DCAF1: variants seen among roughly 807,000 people sequenced by gnomAD.
DCAF1 encodes DDB1- and CUL4-associated factor 1.
In DCAF1, 15 loss-of-function variants were observed where a neutral mutation model predicts 128.0. The ratio of observed to expected loss-of-function variants is 0.12; its 90% confidence interval spans 0.08 to 0.18. DCAF1 has a LOEUF of 0.18. Among genes scored for constraint, DCAF1 ranks in the 10% least tolerant of loss-of-function variants. The pLI is 1.00. For missense variants in DCAF1, 988 were observed against 1,649.5 expected (o/e 0.60, Z 6.95); for synonymous variants, 610 against 603.0 (o/e 1.01, Z -0.17).
intron 6 of DCAF1, among the ~76,000 whole-genome samples, chr3:51,453,733 A>G (rs1219974323): frequency 6.6e-6 from 1 of 152,198 alleles, no homozygotes; most frequent in African/African-American, 2.4e-5. Flanking sequence ...CGGGCAGATC[A>G]GCTGAGGTCG....
chr3:51,476,725 A>T (rs1705502602), intron 3 of DCAF1, among the ~76,000 whole-genome samples: 1 of 151,888 alleles, frequency 6.6e-6, no homozygotes, highest in Non-Finnish European at 1.5e-5. Flanking sequence ...AAAATACAAA[A>T]AAATTAGCCA....
chr3:51,435,448 A>G (rs1700722090), intron 9 of DCAF1, among the ~76,000 whole-genome samples: 1 of 152,206 alleles, frequency 6.6e-6, no homozygotes, highest in African/African-American at 2.4e-5. Context: ...CAAACTTGAA[A>G]TTTCTGAAAG....
chr3:51,442,858 C>G (rs748342426), intron 7 of DCAF1, among the ~76,000 whole-genome samples: 7 of 152,116 alleles, frequency 4.6e-5, no homozygotes, highest in Non-Finnish European at 1.0e-4. Flanking sequence ...CATGCTCTCA[C>G]TTATAAGTGG....
chr3:51,418,637 T>C (rs1699114242), intron 16 of DCAF1, 41 bp downstream of exon 16: 1 of 1,571,610 alleles, frequency 6.4e-7, no homozygotes, highest in Non-Finnish European at 8.6e-7. Flanking sequence ...CCAATTCATC[T>C]TGGAAGAATG....
At chr3:51,411,556 A>AG (rs1215287764) in intron 23 of DCAF1, among the ~76,000 whole-genome samples, 3 of 152,232 alleles carry the variant, frequency 2.0e-5, no homozygotes, top group Non-Finnish European at 4.4e-5. Context: ...GCAAAGACTG[A>AG]GGGACATGAT....
chr3:51,480,445 A>C (rs1381314121), intron 3 of DCAF1, among the ~76,000 whole-genome samples: 1 of 151,866 alleles, frequency 6.6e-6, no homozygotes, highest in African/African-American at 2.4e-5. Flanking sequence ...AAATTCAAAA[A>C]TAAGCTGGGC....
intron 2 of DCAF1, among the ~76,000 whole-genome samples, chr3:51,490,460 A>G (rs1244138527): frequency 6.6e-6 from 1 of 152,240 alleles, no homozygotes; most frequent in East Asian, 1.9e-4. Flanking sequence ...CAAACACAAG[A>G]CTTGTATGCT....
At chr3:51,466,613 T>C (rs1235880986) in intron 5 of DCAF1, among the ~76,000 whole-genome samples, 190 bp downstream of exon 5, 1 of 152,096 alleles carries the variant, frequency 6.6e-6, no homozygotes, top group Non-Finnish European at 1.5e-5. Context: ...GTAGATACCT[T>C]GGGAGGCCTC....
chr3:51,468,861 A>T (rs149096699), intron 4 of DCAF1, among the ~76,000 whole-genome samples: 1 of 152,252 alleles, frequency 6.6e-6, no homozygotes, highest in Non-Finnish European at 1.5e-5. Flanking sequence ...TTGCCATTTA[A>T]TCCATCTCCA....
chr3:51,477,673 G>A (rs186429983), intron 3 of DCAF1, among the ~76,000 whole-genome samples: 107 of 152,086 alleles, frequency 7.0e-4, no homozygotes, highest in African/African-American at 2.5e-3. Flanking sequence ...CCACTGCCTC[G>A]CTATGCAGTT....
At chr3:51,454,035 A>G (rs1702623527) in intron 6 of DCAF1, among the ~76,000 whole-genome samples, 1 of 151,744 alleles carries the variant, frequency 6.6e-6, no homozygotes, top group African/African-American at 2.4e-5. Context: ...TATTTACATT[A>G]CGTCTAAAAC....
At chr3:51,473,440 T>C (rs1705014209) in intron 3 of DCAF1, among the ~76,000 whole-genome samples, 2 of 145,960 alleles carry the variant, frequency 1.4e-5, no homozygotes, top group South Asian at 2.2e-4. Flanking sequence ...TTTTTTTTTT[T>C]TTTTTTAAGA....
At position 51,477,624 on chromosome 3, in the gene DCAF1, C is replaced by T. The variant is rs1204189461; in HGVS notation, c.110+6095G>A. 7.2e-5 allele frequency among the ~76,000 whole-genome samples: 11 copies of T among 152,060 alleles called. 1 individual carries two copies. In the South Asian group the frequency reaches 2.1e-3, roughly 29 times the overall value. ...CCTTGGGGGGAAAAAAAAACAACACCGGAATTGGAGTCAAAACCCAGGATT... is the reference window on the plus strand; with the variant it reads ...CCTTGGGGGGAAAAAAAAACAACACTGGAATTGGAGTCAAAACCCAGGATT... On this transcript the variant is annotated intron_variant, in intron 3 of 24. Coordinates refer to ENST00000684031, the MANE Select transcript of DCAF1 (RefSeq NM_001387579.1).
intron 13 of DCAF1, among the ~76,000 whole-genome samples, 162 bp downstream of exon 13, chr3:51,427,210 T>C (rs1037949216): frequency 2.0e-5 from 3 of 152,178 alleles, no homozygotes; most frequent in African/African-American, 7.2e-5. Context: ...GTGCTGTAAA[T>C]TAAAAATCAT....
intron 18 of DCAF1, among the ~76,000 whole-genome samples, chr3:51,416,389 A>G (rs558933760): frequency 6.6e-6 from 1 of 152,286 alleles, no homozygotes; most frequent in Admixed American, 6.5e-5. Flanking sequence ...TAGATAAAAG[A>G]GAAGTCCCCC....
intron 12 of DCAF1, among the ~76,000 whole-genome samples, chr3:51,428,921 C>A (rs951193582): frequency 1.3e-5 from 2 of 152,044 alleles, no homozygotes; most frequent in African/African-American, 4.8e-5. Context: ...ATCACCTGAA[C>A]CTGGGAGGTT....
At chr3:51,451,277 G>A (rs1702328943) in intron 6 of DCAF1, among the ~76,000 whole-genome samples, 1 of 149,320 alleles carries the variant, frequency 6.7e-6, no homozygotes, top group African/African-American at 2.5e-5. Context: ...TTACAGATGG[G>A]GTCTCACCAT....
chr3:51,437,266 C>CAAAAAAAAAAA (rs71633071), intron 9 of DCAF1: 124 of 256,474 alleles, frequency 4.8e-4, no homozygotes, highest in South Asian at 6.5e-4. Context: ...GACTCCATGT[C>CAAAAAAAAAAA]AAAAAAAAAA....
At chr3:51,494,460 A>AT (rs1708021190) in intron 2 of DCAF1, among the ~76,000 whole-genome samples, 1 of 152,118 alleles carries the variant, frequency 6.6e-6, no homozygotes, top group Admixed American at 6.6e-5. Context: ...CTAGAAAGAG[A>AT]TAATGGTTGC....
Sources: gnomAD v4.1 joint callset for allele counts (sites outside exome capture counted in the v4.1 genomes callset) on GRCh38, gnomAD v4.1.1 for gene constraint, MANE v1.5 for transcripts, NCBI Gene and HGNC (gene_info 2026-07-23, HGNC 2026-07-21) for gene names.